KCTD1: variants seen among roughly 807,000 people sequenced by gnomAD.
KCTD1 encodes the protein potassium channel tetramerization domain containing 1.
Under a neutral mutation model 66.0 loss-of-function variants are expected in KCTD1, and 24 were observed. The ratio of observed to expected loss-of-function variants is 0.36; its 90% CI spans 0.26 to 0.51. The LOEUF (loss-of-function observed/expected upper bound fraction) is 0.51, where lower values mean the gene tolerates loss of function less well. Ranked by LOEUF, KCTD1 falls within the 20% of genes least tolerant of loss-of-function variation. The pLI is 0.95. For missense variants in KCTD1, 943 were observed against 1,205.2 expected (o/e 0.78, Z 3.22); for synonymous variants, 511 against 517.2 (o/e 0.99, Z 0.16).
intron 1 of KCTD1, among the ~76,000 whole-genome samples, chr18:26,621,176 T>TG: frequency 6.6e-6 from 1 of 152,288 alleles, no homozygotes; most frequent in South Asian, 2.1e-4. Context: ...TTTATTTCTT[T>TG]GGGGGGATTT....
intron 1 of KCTD1, among the ~76,000 whole-genome samples, chr18:26,564,892 G>GAA (rs370016340): frequency 5.3e-5 from 5 of 94,034 alleles, no homozygotes; most frequent in East Asian, 3.0e-4. Flanking sequence ...TCTGTCTCAA[G>GAA]AAAAAAAAAA....
At chr18:26,642,357 G>A (rs1007980919), upstream of KCTD1, among the ~76,000 whole-genome samples, 16 of 152,150 alleles carry the variant, frequency 1.1e-4, no homozygotes, top group Non-Finnish European at 1.9e-4. Flanking sequence ...GGTGCCTCTC[G>A]GGCGTGTCCT....
chr18:26,535,985 A>AAAAAAAAAAG (rs397952929), intron 1 of KCTD1, among the ~76,000 whole-genome samples: 1 of 147,608 alleles, frequency 6.8e-6, no homozygotes, highest in Non-Finnish European at 1.5e-5. Flanking sequence ...AAAAAAAAAA[A>AAAAAAAAAAG]AAGAAGATTT....
upstream of KCTD1, among the ~76,000 whole-genome samples, chr18:26,633,530 A>G (rs1206820213): frequency 6.6e-6 from 1 of 152,166 alleles, no homozygotes; most frequent in African/African-American, 2.4e-5. Context: ...AAAATAAAAT[A>G]ATTACCCCCC....
At chr18:26,503,580 T>C (rs1450691133) in intron 1 of KCTD1, among the ~76,000 whole-genome samples, 1 of 151,978 alleles carries the variant, frequency 6.6e-6, no homozygotes, top group Non-Finnish European at 1.5e-5. Flanking sequence ...TCTGTAATAG[T>C]TTTTCAATTG....
At chr18:26,570,209 T>C (rs1986075242) in intron 1 of KCTD1, among the ~76,000 whole-genome samples, 1 of 147,708 alleles carries the variant, frequency 6.8e-6, no homozygotes, top group African/African-American at 2.5e-5. Flanking sequence ...TATATATATA[T>C]ATATATGATT....
At chr18:26,480,519 C>A (rs563286856) in intron 2 of KCTD1, among the ~76,000 whole-genome samples, 1 of 152,150 alleles carries the variant, frequency 6.6e-6, no homozygotes, top group Non-Finnish European at 1.5e-5. Flanking sequence ...CCTGTAATCC[C>A]AGCACTTTGG....
At chr18:26,641,695 G>A (rs1024037808), upstream of KCTD1, among the ~76,000 whole-genome samples, 1 of 152,050 alleles carries the variant, frequency 6.6e-6, no homozygotes, top group Non-Finnish European at 1.5e-5. Context: ...ATCTGATGGG[G>A]TTAGGTGGGC....
intron 2 of KCTD1, among the ~76,000 whole-genome samples, chr18:26,495,506 C>T (rs576349692): frequency 8.0e-4 from 122 of 152,258 alleles, no homozygotes; most frequent in Middle Eastern, 3.4e-3. Flanking sequence ...ACACACACCC[C>T]TGGGTGGCCA....
At chr18:26,577,611 A>G (rs1266098135) in intron 1 of KCTD1, among the ~76,000 whole-genome samples, 4 of 151,906 alleles carry the variant, frequency 2.6e-5, no homozygotes, top group Non-Finnish European at 4.4e-5. Flanking sequence ...CAGTGGCTCA[A>G]TCGTAGCTCA....
At chr18:26,551,481 G>T (rs937697450), upstream of KCTD1, among the ~76,000 whole-genome samples, 3 of 152,120 alleles carry the variant, frequency 2.0e-5, no homozygotes, top group Admixed American at 2.0e-4. Context: ...TCGGGCAACT[G>T]TGGATCTGCT....
chr18:26,561,814 G>A (rs1440439262), intron 1 of KCTD1, among the ~76,000 whole-genome samples: 4 of 152,186 alleles, frequency 2.6e-5, no homozygotes, highest in African/African-American at 9.7e-5. Flanking sequence ...CAGGGTCAGA[G>A]TAGTCAGTAG....
chr18:26,460,649 G>A (rs1364672520), intron 3 of KCTD1, among the ~76,000 whole-genome samples: 3 of 152,192 alleles, frequency 2.0e-5, no homozygotes, highest in Non-Finnish European at 4.4e-5. Flanking sequence ...TTTAGGCCTC[G>A]ACTCCTGCAA....
chr18:26,461,962 C>A (rs1980457659), intron 3 of KCTD1, among the ~76,000 whole-genome samples: 1 of 152,108 alleles, frequency 6.6e-6, no homozygotes, highest in Admixed American at 6.5e-5. Flanking sequence ...ACTAAAAATA[C>A]AAAAAATTAG....
At chr18:26,569,086 T>C (rs1054472284) in intron 1 of KCTD1, among the ~76,000 whole-genome samples, 1 of 152,220 alleles carries the variant, frequency 6.6e-6, no homozygotes, top group Non-Finnish European at 1.5e-5. Flanking sequence ...AATATGTTAA[T>C]CATATGACCT....
chr18:26,566,798 C>T (rs929786689), intron 1 of KCTD1: 1 of 129,236 alleles, frequency 7.7e-6, no homozygotes, highest in Non-Finnish European at 1.6e-5. Context: ...GATTAGACAA[C>T]AGTCCCCAAG....
At chr18:26,511,553 C>T (rs1423945043) in intron 1 of KCTD1, among the ~76,000 whole-genome samples, 11 of 152,218 alleles carry the variant, frequency 7.2e-5, no homozygotes, top group Non-Finnish European at 1.5e-4. Flanking sequence ...CAGCGTCTAA[C>T]ATGTAGAGAG....
chr18:26,614,276 C>T (rs1465930518), intron 1 of KCTD1, among the ~76,000 whole-genome samples: 1 of 152,216 alleles, frequency 6.6e-6, no homozygotes, highest in Non-Finnish European at 1.5e-5. Flanking sequence ...CTGATTTCTT[C>T]TCTGTGCAAA....
chr18:26,520,683 AC>A (rs1268206441), intron 1 of KCTD1, among the ~76,000 whole-genome samples: 1 of 152,216 alleles, frequency 6.6e-6, no homozygotes, highest in Non-Finnish European at 1.5e-5. Context: ...AGCTGACCCC[AC>A]ATTTTAGCTT....
Sources: allele counts gnomAD v4.1 joint callset (sites outside exome capture counted in the v4.1 genomes callset), GRCh38; gene constraint gnomAD v4.1.1; transcripts MANE v1.5; gene names NCBI Gene and HGNC (gene_info 2026-07-23, HGNC 2026-07-21).